Variants in RPL3 observed in about 807,000 individuals in gnomAD.
The protein encoded by RPL3 is ribosomal protein L3.
RPL3 carries 3 observed loss-of-function variants against 46.0 expected under a neutral mutation model. That is an observed-to-expected ratio of 0.07 (90% CI 0.03 to 0.17). The LOEUF is 0.17. Among genes scored for constraint, RPL3 ranks in the 10% least tolerant of loss-of-function variants. The probability of loss-of-function intolerance (pLI) is 1.00; values close to 1 mark genes in which losing one functional copy is unlikely to be tolerated. For missense variants in RPL3, 387 were observed against 532.7 expected, an observed-to-expected ratio of 0.73 and a Z score of 2.69; for synonymous variants, 224 against 190.8, an observed-to-expected ratio of 1.17 and a Z score of -1.43.
chr22:39,313,905 G>C (rs767169869), intron 7 of RPL3, 176 bp from the exon 8 acceptor site: 2 of 840,654 alleles, frequency 2.4e-6, no homozygotes, highest in Non-Finnish European at 2.1e-6. Flanking sequence ...CCTCATCACT[G>C]AACAGCTGAG....
intron 3 of RPL3, chr22:39,317,158 C>CT (rs1358770757): frequency 8.6e-6 from 5 of 578,464 alleles, no homozygotes; most frequent in Non-Finnish European, 1.6e-5. Context: ...GCCAGAGGCC[C>CT]TTGCCACCCC....
At position 39,313,703 on chromosome 22, in the gene RPL3, C is replaced by T; in HGVS notation, c.978G>A (p.Val326=). The T allele has an allele frequency of 1.6e-5, 26 of 1,614,116 alleles. No homozygotes were observed. Among genetic ancestry groups the T allele is most frequent in the Non-Finnish European group, 2.1e-5 (25 of 1,180,028 alleles). ...PLGGFVHYGE[V]TNDFVMLKGC... ...CTTTCAGCATGACAAAGTCATTGGT[C>T]ACTTCACCATAGTGGACAAAGCCAC... Residue 326 remains valine (V), a synonymous_variant, in exon 8 of 10, where the codon GTG becomes GTA. Coordinates refer to ENST00000216146, the MANE Select transcript of RPL3 (RefSeq NM_000967.4).
At chr22:39,315,932 C>A (rs1026529764) in intron 4 of RPL3, among the ~76,000 whole-genome samples, 11 of 152,192 alleles carry the variant, frequency 7.2e-5, no homozygotes, top group Admixed American at 5.9e-4. Flanking sequence ...TTTGAGAGAG[C>A]ACAAGCTCTA....
In RPL3 at chr22:39,316,316, G is replaced by A. The variant is rs969895370; in HGVS notation, c.501+390C>T. Among the ~76,000 whole-genome samples, 5 of 151,860 alleles carry A rather than the reference G, an allele frequency of 3.3e-5. No homozygotes were observed. The South Asian group carries it at 8.3e-4, about 25-fold the overall frequency. Reference sequence around the variant, plus strand: ...GGCAATGTCCTGACAAAATTTCAACGGTGGACATGCACTCTCATCCGTGGT... The same window carrying A: ...GGCAATGTCCTGACAAAATTTCAACAGTGGACATGCACTCTCATCCGTGGT... On this transcript the variant is annotated intron_variant, in intron 4 of 9. Coordinates refer to ENST00000216146, the MANE Select transcript of RPL3 (RefSeq NM_000967.4).
At position 39,313,718 on chromosome 22, in the gene RPL3, G is replaced by A; in HGVS notation, c.963C>T (p.Val321=). The A allele has an allele frequency of 6.2e-7, 1 of 1,614,050 alleles. No homozygotes were observed. The highest frequency in any genetic ancestry group is 8.5e-7 in the Non-Finnish European group (1 of 1,179,990). Residue 321 remains valine (V), a synonymous_variant, in exon 8 of 10, where the codon GTC becomes GTT. Transcript: ENST00000216146. Reference sequence around the variant, plus strand: ...AGTCATTGGTCACTTCACCATAGTGGACAAAGCCACCCTGGAAAACGAGCA... The same window carrying A: ...AGTCATTGGTCACTTCACCATAGTGAACAAAGCCACCCTGGAAAACGAGCA... ...DKSINPLGGF[V]HYGEVTNDFV...
At chr22:39,313,950 G>T in intron 7 of RPL3, 157 bp downstream of exon 7, 1 of 837,802 alleles carries the variant, frequency 1.2e-6, no homozygotes, top group Non-Finnish European at 2.1e-6. Context: ...CAACCCCGAC[G>T]AGTGGACTCA....
At chr22:39,317,728 A>C (rs1302391192) in intron 2 of RPL3, 99 bp from the exon 3 acceptor site, 2 of 1,391,856 alleles carry the variant, frequency 1.4e-6, no homozygotes, top group African/African-American at 2.9e-5. Context: ...CCGGAAGGGC[A>C]ACTGGGCCCC....
Position 39,317,609 on chromosome 22 carries a change from C to T in RPL3, c.217G>A (p.Val73Met). The stretch of plus-strand genomic sequence containing the variant: ...GTCTCTACAATGGTCACAGCCTCCA[C>T]CACCTCCTTCTTGTTCACCTCTGCA... ...PGSKVNKKEV[V>M]EAVTIVETPP... The change falls in exon 3 of 10, where the codon GTG becomes ATG. Residue 73 changes from valine to methionine, a missense_variant. Val to Met is a conservative substitution (Grantham distance 21, BLOSUM62 1). This residue lies in a region of RPL3 where 196 missense variants were observed against 217.5 expected (regional missense o/e 0.90). Coordinates refer to ENST00000216146, the MANE Select transcript of RPL3 (RefSeq NM_000967.4). The T allele has an allele frequency of 1.2e-6, 2 of 1,613,828 alleles. No homozygotes were observed. Among genetic ancestry groups the T allele is most frequent in the Non-Finnish European group, 8.5e-7 (1 of 1,179,794 alleles).
Position 39,315,551 on chromosome 22 carries a change from C to T in RPL3, c.506G>A (p.Arg169His), listed in dbSNP as rs755263201. Residue 169 changes from arginine to histidine, a missense_variant, in exon 5 of 10, where the codon CGC becomes CAC. Coordinates refer to ENST00000216146, the MANE Select transcript of RPL3 (RefSeq NM_000967.4). ...CTTCTTCTGGCGCAGAGGAAGCAGG[C>T]GCATCTAGGAGAAGGTAGACACAGC... ...VIRVIAHTQM[R>H]LLPLRQKKAH... 6.2e-6 allele frequency: 10 copies of T among 1,613,866 alleles called. No homozygotes were observed. Among genetic ancestry groups the T allele is most frequent in the South Asian group, 2.2e-5 (2 of 91,094 alleles).
At chr22:39,319,390 C>G (rs2146522087) in intron 1 of RPL3, 2 of 689,352 alleles carry the variant, frequency 2.9e-6, no homozygotes, top group African/African-American at 1.8e-5. Flanking sequence ...TCTGGCCGAC[C>G]TGCAGGCCCA....
intron 4 of RPL3, 79 bp from the exon 5 acceptor site, chr22:39,315,634 T>C: frequency 6.5e-7 from 1 of 1,538,370 alleles, no homozygotes; most frequent in Non-Finnish European, 8.9e-7. Context: ...CCATGCGGCC[T>C]GATTGATGTC....
intron 8 of RPL3, 146 bp downstream of exon 8, chr22:39,313,488 C>T (rs1922484225): frequency 7.9e-7 from 1 of 1,265,664 alleles, no homozygotes; most frequent in African/African-American, 1.5e-5. Context: ...TGGGAATTTC[C>T]TCATCTCAGG....
Position 39,315,816 on chromosome 22 carries a change from C to T in RPL3, c.502-261G>A, listed in dbSNP as rs564613353. On this transcript the variant is annotated intron_variant, in intron 4 of 9. Transcript: ENST00000216146. ...ACAGGCAAACAACCAGATCCCAGCCCCTACCAGCCCAATGTTCCTGTGGCT... is the reference window on the plus strand; with the variant it reads ...ACAGGCAAACAACCAGATCCCAGCCTCTACCAGCCCAATGTTCCTGTGGCT... 2.6e-5 allele frequency among the ~76,000 whole-genome samples: 4 copies of T among 152,356 alleles called. No individual in the cohort carries two copies. The East Asian group carries it at 7.7e-4, about 29-fold the overall frequency.
chr22:39,318,117 A>C, intron 2 of RPL3: 1 of 429,738 alleles, frequency 2.3e-6, no homozygotes, highest in Admixed American at 4.5e-5. Flanking sequence ...CCAACCCCCC[A>C]CACTAGTGTT....
chr22:39,314,990 G>C, intron 5 of RPL3, 144 bp from the exon 6 acceptor site: 2 of 1,192,918 alleles, frequency 1.7e-6, no homozygotes, highest in Non-Finnish European at 2.3e-6. Context: ...GGTCTCCCCT[G>C]TCAAGCTGGA....
intron 7 of RPL3, 34 bp from the exon 8 acceptor site, chr22:39,313,763 G>A (rs1211349299): frequency 1.3e-6 from 2 of 1,598,614 alleles, no homozygotes; most frequent in South Asian, 1.1e-5. Flanking sequence ...CACAGGCCCA[G>A]GAGGGGATTG....
chr22:39,313,389 C>G (rs1922477730), intron 8 of RPL3, 79 bp from the exon 9 acceptor site: 29 of 1,582,258 alleles, frequency 1.8e-5, no homozygotes, highest in Non-Finnish European at 2.2e-5. Context: ...GCCCCTGCAT[C>G]TGGGAAGCCA....
chr22:39,315,003 G>T (rs1490563638), intron 5 of RPL3, 157 bp from the exon 6 acceptor site: 1 of 1,056,942 alleles, frequency 9.5e-7, no homozygotes, highest in African/African-American at 1.6e-5. Flanking sequence ...AAGCTGGATA[G>T]GCTCTGGGGG....
At position 39,316,858 on chromosome 22, in the gene RPL3, G is replaced by T. The variant is rs761039677; in HGVS notation, c.366-17C>A. ...GATTTATGCCTTCAGGAGCAGAGCA[G>T]AGTTGGGGAGGGGACCAGGTGCAGG... On this transcript the variant is annotated splice_polypyrimidine_tract_variant and intron_variant, in intron 3 of 9. Coordinates refer to ENST00000216146, the MANE Select transcript of RPL3 (RefSeq NM_000967.4). 1.9e-6 allele frequency: 3 copies of T among 1,613,444 alleles called. No individual in the cohort carries two copies. Among genetic ancestry groups the T allele is most frequent in the Non-Finnish European group, 2.5e-6 (3 of 1,180,036 alleles).
Sources: allele counts gnomAD v4.1 joint callset (sites outside exome capture counted in the v4.1 genomes callset), GRCh38; gene constraint gnomAD v4.1.1; regional missense constraint gnomAD v4.1.1; transcripts MANE v1.5; gene names NCBI Gene and HGNC (gene_info 2026-07-23, HGNC 2026-07-21).